The following CSMD1 variants were observed in gnomAD, a reference collection of about 807,000 sequenced individuals.
The protein encoded by CSMD1 is CUB and Sushi multiple domains 1.
Under a neutral mutation model 417.5 loss-of-function variants are expected in CSMD1, and 213 were observed. The ratio of observed to expected loss-of-function variants is 0.51; its 90% CI spans 0.46 to 0.57. The LOEUF is 0.57. Among genes scored for constraint, CSMD1 ranks in the 20% least tolerant of loss-of-function variants. The pLI is 0.00. For synonymous variants in CSMD1, 2,862 were observed against 1,736.8 expected (o/e 1.65, Z -16.11); for missense variants, 6,923 against 4,529.7 (o/e 1.53, Z -15.17).
chr8:3,396,375 C>A lies in CSMD1; in HGVS notation c.2412G>T (p.Gln804His). ...HSIKITFDRFQTEVNYDTLEV... is the reference protein window; with the variant it reads ...HSIKITFDRFHTEVNYDTLEV... ...CCAAGGTGTCATAATTGACCTCTGT[C>A]TGAAATCTGCAAATATATACATCCC... Residue 804 changes from glutamine to histidine, a missense_variant, in exon 17 of 70, where the codon CAG becomes CAT. Physicochemically the swap from Gln to His is conservative, Grantham distance 24. Coordinates refer to ENST00000635120, the MANE Select transcript of CSMD1 (RefSeq NM_033225.6). 3 of 1,576,830 alleles carry A rather than the reference C, an allele frequency of 1.9e-6. No homozygotes were observed. Among genetic ancestry groups the A allele is most frequent in the Non-Finnish European group, 1.7e-6 (2 of 1,161,500 alleles).
At chr8:4,434,645 A>C (rs537329785) in intron 2 of CSMD1, among the ~76,000 whole-genome samples, 2 of 152,330 alleles carry the variant, frequency 1.3e-5, no homozygotes, top group African/African-American at 2.4e-5. Flanking sequence ...ACAACTGGGA[A>C]GACATATCAC....
intron 3 of CSMD1, among the ~76,000 whole-genome samples, chr8:4,316,397 A>T (rs1426075962): frequency 2.0e-5 from 3 of 152,250 alleles, no homozygotes; most frequent in African/African-American, 7.2e-5. Flanking sequence ...TAATTCTTGG[A>T]CTTACCAAGA....
intron 2 of CSMD1, among the ~76,000 whole-genome samples, chr8:4,533,464 T>G (rs1486303056): frequency 6.6e-6 from 1 of 152,220 alleles, no homozygotes; most frequent in Non-Finnish European, 1.5e-5. Flanking sequence ...GGCAGAGGCC[T>G]AGATCCTCCT....
chr8:4,845,583 A>T (rs1364102358), intron 1 of CSMD1, among the ~76,000 whole-genome samples: 3 of 152,210 alleles, frequency 2.0e-5, no homozygotes, highest in African/African-American at 7.2e-5. Context: ...TAGTCAACCA[A>T]TATTTATTGG....
At chr8:4,925,223 T>TTG (rs1554521000) in intron 1 of CSMD1, among the ~76,000 whole-genome samples, 3 of 135,594 alleles carry the variant, frequency 2.2e-5, no homozygotes, top group Non-Finnish European at 4.7e-5. Context: ...TGGTTTTTTT[T>TTG]TTTTTTTTTT....
intron 5 of CSMD1, among the ~76,000 whole-genome samples, chr8:3,918,576 T>C (rs1016295280): frequency 2.6e-5 from 4 of 152,174 alleles, no homozygotes; most frequent in African/African-American, 9.7e-5. Context: ...TTATATATTT[T>C]GGACATTAAC....
chr8:3,754,723 T>A (rs997231753), intron 5 of CSMD1, among the ~76,000 whole-genome samples: 1 of 152,138 alleles, frequency 6.6e-6, no homozygotes, highest in Non-Finnish European at 1.5e-5. Flanking sequence ...CCAAAGTGCT[T>A]GGATTACAAG....
Position 3,189,958 on chromosome 8 carries a change from C to T in CSMD1, c.5352G>A (p.Val1784=), listed in dbSNP as rs1391930786. 3 of 1,597,836 alleles carry T rather than the reference C, an allele frequency of 1.9e-6. No homozygotes were observed. The highest frequency in any genetic ancestry group is 2.6e-6 in the Non-Finnish European group (3 of 1,172,590). Residue 1784 remains valine, a synonymous_variant, in exon 34 of 70, where the codon GTG becomes GTA. Transcript: ENST00000635120. The part of the protein sequence containing the change: ...QGSTALHCQS[V]PNALAQWNDT... ...CGTTCCACTGTGCCAAGGCGTTGGG[C>T]ACGGACTGGCAGTGGAGCGCCGTGG...
At chr8:4,420,376 T>G (rs1012813931) in intron 2 of CSMD1, among the ~76,000 whole-genome samples, 1 of 152,080 alleles carries the variant, frequency 6.6e-6, no homozygotes, top group Non-Finnish European at 1.5e-5. Context: ...ACTTTTTTTT[T>G]TATTTGAATT....
intron 1 of CSMD1, among the ~76,000 whole-genome samples, chr8:4,978,871 G>A (rs897339120): frequency 6.5e-5 from 9 of 137,444 alleles, no homozygotes; most frequent in African/African-American, 2.2e-4. Flanking sequence ...CCAGGAGGCG[G>A]AGGTTGCAGT....
At chr8:3,768,610 G>A (rs577986932) in intron 5 of CSMD1, among the ~76,000 whole-genome samples, 8 of 152,304 alleles carry the variant, frequency 5.3e-5, no homozygotes, top group African/African-American at 1.9e-4. Context: ...ACATTAAATA[G>A]AAGCAGGAAT....
chr8:4,657,442 C>G (rs530731920), intron 1 of CSMD1, among the ~76,000 whole-genome samples: 1 of 152,068 alleles, frequency 6.6e-6, no homozygotes, highest in Non-Finnish European at 1.5e-5. Flanking sequence ...TTCTCACTCA[C>G]GCACTCTTGG....
intron 23 of CSMD1, among the ~76,000 whole-genome samples, chr8:3,315,476 C>T (rs1563263876): frequency 9.5e-6 from 1 of 105,430 alleles, no homozygotes; most frequent in Non-Finnish European, 2.2e-5. Context: ...TTTAAACTAT[C>T]TTTTAAATTA....
At chr8:3,994,947 C>G (rs140740386) in intron 5 of CSMD1, among the ~76,000 whole-genome samples, 66 of 152,274 alleles carry the variant, frequency 4.3e-4, no homozygotes, top group African/African-American at 1.5e-3. Context: ...TCACTCCACT[C>G]ACAGTCACTC....
At chr8:4,182,210 G>C (rs1798419300) in intron 3 of CSMD1, among the ~76,000 whole-genome samples, 2 of 151,978 alleles carry the variant, frequency 1.3e-5, no homozygotes, top group South Asian at 2.1e-4. Context: ...TTCATTCTCA[G>C]TTTACTTTAA....
intron 2 of CSMD1, among the ~76,000 whole-genome samples, chr8:4,557,441 T>G (rs1340090552): frequency 3.3e-5 from 5 of 151,416 alleles, no homozygotes; most frequent in Non-Finnish European, 7.4e-5. Context: ...TTTTTTTTTT[T>G]GAAATGAGAT....
At chr8:4,496,844 C>A (rs976930621) in intron 2 of CSMD1, among the ~76,000 whole-genome samples, 3 of 152,080 alleles carry the variant, frequency 2.0e-5, no homozygotes, top group African/African-American at 7.2e-5. Context: ...AAAATGAGTT[C>A]ACAGAAGGTT....
chr8:3,786,240 G>C (rs1351753637), intron 5 of CSMD1, among the ~76,000 whole-genome samples: 1 of 152,104 alleles, frequency 6.6e-6, no homozygotes, highest in African/African-American at 2.4e-5. Flanking sequence ...CTAAGACATT[G>C]TCGGGAGATG....
Position 4,344,990 on chromosome 8 carries a change from C to T in CSMD1, c.415+74963G>A, listed in dbSNP as rs920118055. On this transcript the variant is annotated intron_variant, in intron 3 of 69. Coordinates refer to ENST00000635120, the MANE Select transcript of CSMD1 (RefSeq NM_033225.6). Reference sequence around the variant, plus strand: ...TTTTCGGACTGAAGAAAACAAATGGCTAGCCAATGTTTCATTCTTTCTAAG... The same window carrying T: ...TTTTCGGACTGAAGAAAACAAATGGTTAGCCAATGTTTCATTCTTTCTAAG... Among the ~76,000 whole-genome samples, 6 of 149,204 alleles carry T rather than the reference C, an allele frequency of 4.0e-5. No individual in the cohort carries two copies. The East Asian group carries it at 7.8e-4, about 19-fold the overall frequency.
Sources: allele counts gnomAD v4.1 joint callset (sites outside exome capture counted in the v4.1 genomes callset), GRCh38; gene constraint gnomAD v4.1.1; transcripts MANE v1.5; gene names NCBI Gene and HGNC (gene_info 2026-07-23, HGNC 2026-07-21).